RELCH: variants seen among roughly 807,000 people sequenced by gnomAD.
RELCH encodes RAB11 binding and LisH domain, coiled-coil and HEAT repeat containing, also known as RAB11-binding protein RELCH.
Under a neutral mutation model 150.3 loss-of-function variants are expected in RELCH, and 41 were observed. The observed-to-expected ratio is 0.27, with a 90% CI of 0.21 to 0.35. The LOEUF (loss-of-function observed/expected upper bound fraction) is 0.35. Ranked by LOEUF, RELCH falls within the 10% of genes least tolerant of loss-of-function variation. The probability of loss-of-function intolerance (pLI) is 1.00; values close to 1 mark genes in which losing one functional copy is unlikely to be tolerated. For missense variants in RELCH, 1,092 were observed against 1,467.8 expected (o/e 0.74, Z 4.18); for synonymous variants, 478 against 531.8 (o/e 0.90, Z 1.39).
At chr18:62,215,152 T>G (rs1352527220) in intron 2 of RELCH, among the ~76,000 whole-genome samples, 1 of 152,170 alleles carries the variant, frequency 6.6e-6, no homozygotes, top group Non-Finnish European at 1.5e-5. Flanking sequence ...TTGAAGCTTC[T>G]GTGACTTAAA....
intron 12 of RELCH, among the ~76,000 whole-genome samples, chr18:62,254,250 C>CATTG (rs2042879515): frequency 6.6e-6 from 1 of 152,076 alleles, no homozygotes; most frequent in African/African-American, 2.4e-5. Context: ...TCTTTCCATG[C>CATTG]ATTGGGTCTT....
chr18:62,192,049 C>T (rs1193547054), intron 1 of RELCH, among the ~76,000 whole-genome samples: 5 of 152,202 alleles, frequency 3.3e-5, no homozygotes, highest in Non-Finnish European at 1.5e-5. Flanking sequence ...GCAACCTCTC[C>T]AGCATCTGTT....
intron 5 of RELCH, among the ~76,000 whole-genome samples, chr18:62,225,124 T>A (rs2041127972): frequency 1.3e-5 from 2 of 151,992 alleles, no homozygotes; most frequent in Admixed American, 1.3e-4. Flanking sequence ...AGTCTTTTTT[T>A]TACAAATGGT....
chr18:62,257,814 A>G, intron 13 of RELCH, 134 bp from the exon 14 acceptor site: 1 of 664,792 alleles, frequency 1.5e-6, no homozygotes. Flanking sequence ...GTACATCAAC[A>G]GTTAGTCAGC....
chr18:62,233,718 T>G (rs1157436273), intron 10 of RELCH, among the ~76,000 whole-genome samples: 6 of 151,968 alleles, frequency 3.9e-5, no homozygotes, highest in African/African-American at 1.2e-4. Context: ...ATGTAATGCA[T>G]TAATGTTTGC....
chr18:62,224,042 A>C (rs1021466858), intron 5 of RELCH, among the ~76,000 whole-genome samples: 1 of 152,058 alleles, frequency 6.6e-6, no homozygotes, highest in African/African-American at 2.4e-5. Flanking sequence ...ATAGGTATAC[A>C]TGTGCCATGT....
chr18:62,275,953 C>T (rs916885011), intron 22 of RELCH, among the ~76,000 whole-genome samples: 11 of 152,096 alleles, frequency 7.2e-5, no homozygotes, highest in African/African-American at 2.7e-4. Context: ...AGAATAACAT[C>T]CCAATACATT....
At chr18:62,251,569 A>G (rs565229059) in intron 11 of RELCH, among the ~76,000 whole-genome samples, 131 of 152,354 alleles carry the variant, frequency 8.6e-4, no homozygotes, top group Non-Finnish European at 1.6e-3. Flanking sequence ...GTCATATTCT[A>G]TTCATTAGAC....
At chr18:62,302,315 A>T (rs1312833010) in intron 28 of RELCH, among the ~76,000 whole-genome samples, 2 of 152,252 alleles carry the variant, frequency 1.3e-5, no homozygotes, top group African/African-American at 4.8e-5. Flanking sequence ...AAGAACCATT[A>T]GCAGCATATG....
At chr18:62,191,085 T>TA (rs2038600342) in intron 1 of RELCH, among the ~76,000 whole-genome samples, 1 of 152,220 alleles carries the variant, frequency 6.6e-6, no homozygotes, top group Non-Finnish European at 1.5e-5. Flanking sequence ...AAGGGGGGGA[T>TA]AAAAAATTTG....
chr18:62,205,997 C>T (rs1361047164), intron 1 of RELCH, among the ~76,000 whole-genome samples: 1 of 152,220 alleles, frequency 6.6e-6, no homozygotes, highest in African/African-American at 2.4e-5. Flanking sequence ...GCACTCCAGC[C>T]TGGGCAACAG....
intron 27 of RELCH, among the ~76,000 whole-genome samples, chr18:62,293,948 C>G (rs1243926817): frequency 2.0e-5 from 3 of 152,072 alleles, no homozygotes; most frequent in African/African-American, 7.2e-5. Context: ...GCATATTTCT[C>G]CTATCCTGTA....
intron 1 of RELCH, among the ~76,000 whole-genome samples, chr18:62,192,672 G>A (rs935764829): frequency 9.2e-5 from 14 of 152,076 alleles, no homozygotes; most frequent in Non-Finnish European, 1.6e-4. Context: ...TTTTTGTCAT[G>A]TATGTCAAAG....
intron 11 of RELCH, among the ~76,000 whole-genome samples, chr18:62,248,577 A>T (rs150789156): frequency 6.6e-6 from 1 of 152,194 alleles, no homozygotes; most frequent in Non-Finnish European, 1.5e-5. Context: ...TTGCCTTTAT[A>T]TGCCATGCTT....
chr18:62,211,397 G>T (rs2040159494), intron 2 of RELCH, among the ~76,000 whole-genome samples, 155 bp downstream of exon 2: 1 of 152,138 alleles, frequency 6.6e-6, no homozygotes, highest in Admixed American at 6.5e-5. Context: ...TTTACTGCAA[G>T]TTTGGGGGTT....
chr18:62,193,010 A>G (rs1240036238), intron 1 of RELCH, among the ~76,000 whole-genome samples: 2 of 152,174 alleles, frequency 1.3e-5, no homozygotes, highest in Non-Finnish European at 2.9e-5. Flanking sequence ...CTTCTTATCC[A>G]TGAGCATCCA....
At chr18:62,263,581 A>G (rs1045877548) in intron 16 of RELCH, among the ~76,000 whole-genome samples, 8 of 152,052 alleles carry the variant, frequency 5.3e-5, no homozygotes, top group Non-Finnish European at 1.0e-4. Context: ...AATTTGGGTT[A>G]TAATTTGTTA....
At chr18:62,278,222 GA>G in intron 22 of RELCH, among the ~76,000 whole-genome samples, 1 of 152,190 alleles carries the variant, frequency 6.6e-6, no homozygotes, top group South Asian at 2.1e-4. Flanking sequence ...ACAGACTCAA[GA>G]TAGCAGAAAT....
Position 62,276,977 on chromosome 18 carries a change from A to T in RELCH, c.2967+1504A>T, listed in dbSNP as rs372175820. Among the ~76,000 whole-genome samples the T allele has an allele frequency of 2.6e-5, 4 of 152,270 alleles. No individual in the cohort carries two copies. In the South Asian group the frequency reaches 6.2e-4, roughly 24 times the overall value. Reference sequence around the variant, plus strand: ...TCTCTCCTCTCCCCAAAAAGAAAAAAGTATCTTTTTAAATGAAGAGCTATT... The same window carrying T: ...TCTCTCCTCTCCCCAAAAAGAAAAATGTATCTTTTTAAATGAAGAGCTATT... On this transcript the variant is annotated intron_variant, in intron 22 of 28. Coordinates refer to ENST00000644646, the MANE Select transcript of RELCH (RefSeq NM_001346231.2).
Sources: gnomAD v4.1 joint callset for allele counts (sites outside exome capture counted in the v4.1 genomes callset) on GRCh38, gnomAD v4.1.1 for gene constraint, MANE v1.5 for transcripts, NCBI Gene and HGNC (gene_info 2026-07-23, HGNC 2026-07-21) for gene names.